SIGLEC7: variants seen among roughly 807,000 people sequenced by gnomAD.
SIGLEC7 encodes the protein sialic acid binding Ig like lectin 7, also known as sialic acid-binding Ig-like lectin 7.
SIGLEC7 carries 33 observed loss-of-function variants against 40.8 expected under a neutral mutation model. That is an observed-to-expected ratio of 0.81 (90% CI 0.61 to 1.08). The LOEUF (loss-of-function observed/expected upper bound fraction) is 1.08. SIGLEC7 is among the 50% of genes least tolerant of loss of function. The pLI is 0.00. For missense variants in SIGLEC7, 513 were observed against 576.1 expected (o/e 0.89, Z 1.12); for synonymous variants, 242 against 237.6 (o/e 1.02, Z -0.17).
chr19:51,142,312 GAGA>G lies in SIGLEC7; in HGVS notation c.-53_-51del. On this transcript the variant is annotated 5_prime_UTR_variant, in exon 1 of 7. Transcript: ENST00000317643. This position sits in a 1 kb window ranked among gnomAD's most constrained non-coding sequence, Gnocchi z 5.0. ...TAAGTCTTGAGCCCGCAGTTCCTGA[GAGA>G]AGAACCCTGAGGAACAGACGTTCCC... 6.3e-7 allele frequency: 1 copy of G among 1,577,728 alleles called. No individual in the cohort carries two copies. The highest frequency in any genetic ancestry group is 8.6e-7 in the Non-Finnish European group (1 of 1,161,830).
Position 51,146,049 on chromosome 19 carries a change from A to C in SIGLEC7, c.955A>C (p.Thr319Pro). ...QVHLGDEGEF[T>P]CRAQNSLGSQ... ...GCACCTGGGGGATGAAGGGGAATTC[A>C]CCTGTCGAGCTCAGAACTCTCTGGG... is the stretch of plus-strand genomic sequence containing the variant. Residue 319 changes from threonine to proline, a missense_variant, in exon 4 of 7, where the codon ACC becomes CCC. By Grantham distance (38) the Thr-to-Pro change is conservative. Transcript: ENST00000317643. The C allele has an allele frequency of 6.2e-7, 1 of 1,614,074 alleles. No individual in the cohort carries two copies.
chr19:51,144,299 G>A (rs2092090491), intron 1 of SIGLEC7, 107 bp from the exon 2 acceptor site: 14 of 1,510,030 alleles, frequency 9.3e-6, no homozygotes, highest in Non-Finnish European at 1.1e-5. Context: ...AGGGCTGAGG[G>A]TGAAGCGAGT....
In SIGLEC7 at chr19:51,145,904, GTC is replaced by G; in HGVS notation, c.814_815del (p.Leu272AlafsTer7). On this transcript the variant is annotated frameshift_variant, in exon 4 of 7. Coordinates refer to ENST00000317643, the MANE Select transcript of SIGLEC7 (RefSeq NM_014385.4). LOFTEE classifies it high-confidence loss of function. This position sits in a 1 kb window ranked among gnomAD's most constrained non-coding sequence, Gnocchi z 4.3. ...SSSLSVLEGQ[S>X]LRLVCAVDSN... ...CATCTCTTTCAGTCCTAGAGGGCCA[GTC>G]TCTGCGCTTGGTCTGTGCTGTTGAC... The G allele has an allele frequency of 6.2e-7, 1 of 1,614,228 alleles. No individual in the cohort carries two copies. Among genetic ancestry groups the G allele is most frequent in the Non-Finnish European group, 8.5e-7 (1 of 1,180,046 alleles).
At chr19:51,153,013 T>C (rs763319973) in intron 6 of SIGLEC7, 50 bp from the exon 7 acceptor site, 6 of 1,410,792 alleles carry the variant, frequency 4.3e-6, no homozygotes, top group Non-Finnish European at 5.6e-6. Context: ...CTCCCTGCCT[T>C]ATCCTATTTC....
At chr19:51,143,205 G>C (rs1568619459) in intron 1 of SIGLEC7, among the ~76,000 whole-genome samples, 1 of 152,078 alleles carries the variant, frequency 6.6e-6, no homozygotes, top group Non-Finnish European at 1.5e-5. Flanking sequence ...TAAACGTCCT[G>C]GGGGGTTAAG....
intron 6 of SIGLEC7, among the ~76,000 whole-genome samples, chr19:51,150,977 G>C (rs1428537453): frequency 1.3e-5 from 2 of 152,178 alleles, no homozygotes; most frequent in Non-Finnish European, 2.9e-5. Context: ...CGTTCAGGGT[G>C]GTATAGCTGT....
At chr19:51,149,128 G>A (rs895480043) in intron 6 of SIGLEC7, among the ~76,000 whole-genome samples, 4 of 152,208 alleles carry the variant, frequency 2.6e-5, no homozygotes, top group Admixed American at 6.5e-5. Context: ...CTCTGTTGAT[G>A]GTTTATTTTG....
At chr19:51,144,842 C>T in intron 2 of SIGLEC7, 70 bp from the exon 3 acceptor site, 1 of 1,584,900 alleles carries the variant, frequency 6.3e-7, no homozygotes, top group Non-Finnish European at 8.7e-7. Context: ...ATTTATGCAG[C>T]TCCTGGGGAG....
chr19:51,149,365 G>C (rs1329948591), intron 6 of SIGLEC7, among the ~76,000 whole-genome samples: 1 of 152,170 alleles, frequency 6.6e-6, no homozygotes, highest in African/African-American at 2.4e-5. Flanking sequence ...TCAATCTTCT[G>C]CATGTGGCTA....
intron 1 of SIGLEC7, chr19:51,143,968 G>T: frequency 4.2e-6 from 2 of 474,344 alleles, no homozygotes; most frequent in South Asian, 1.6e-5. Context: ...ATGGATGCTG[G>T]TTTAAGAAAG....
intron 6 of SIGLEC7, among the ~76,000 whole-genome samples, chr19:51,150,353 G>A (rs2092135856): frequency 6.6e-6 from 1 of 152,182 alleles, no homozygotes; most frequent in African/African-American, 2.4e-5. Context: ...TTTTTAACAC[G>A]AAGCGATGCT....
chr19:51,152,795 G>A (rs1008985805), intron 6 of SIGLEC7: 3 of 207,916 alleles, frequency 1.4e-5, no homozygotes, highest in East Asian at 9.6e-5. Flanking sequence ...GTTTGGGTAC[G>A]CTACTTTCTT....
At position 51,145,876 on chromosome 19, in the gene SIGLEC7, G is replaced by A. The variant is rs1432749533; in HGVS notation, c.782G>A (p.Ser261Asn). ...ACAGCATCCACAGCTCTGGGGAACAGCTCATCTCTTTCAGTCCTAGAGGGC... is the reference window on the plus strand; with the variant it reads ...ACAGCATCCACAGCTCTGGGGAACAACTCATCTCTTTCAGTCCTAGAGGGC... ...EGTASTALGN[S>N]SSLSVLEGQS... The change falls in exon 4 of 7, where the codon AGC becomes AAC. Residue 261 changes from serine (S) to asparagine (N), a missense_variant. Physicochemically the swap from Ser to Asn is conservative, Grantham distance 46. Coordinates refer to ENST00000317643, the MANE Select transcript of SIGLEC7 (RefSeq NM_014385.4). This position sits in a 1 kb window ranked among gnomAD's most constrained non-coding sequence, Gnocchi z 4.3. 2 of 1,614,038 alleles carry A rather than the reference G, an allele frequency of 1.2e-6. No homozygotes were observed. Among genetic ancestry groups the A allele is most frequent in the South Asian group, 1.1e-5 (1 of 91,090 alleles).
chr19:51,151,744 G>A (rs1315633371), intron 6 of SIGLEC7, among the ~76,000 whole-genome samples: 1 of 152,222 alleles, frequency 6.6e-6, no homozygotes, highest in African/African-American at 2.4e-5. Flanking sequence ...CTGCAAGGTG[G>A]ACATTTAGAC....
At chr19:51,148,624 T>C (rs1190920648) in intron 6 of SIGLEC7, among the ~76,000 whole-genome samples, 1 of 152,252 alleles carries the variant, frequency 6.6e-6, no homozygotes, top group African/African-American at 2.4e-5. Flanking sequence ...ATATTTGCTA[T>C]TGTGAATAGT....
intron 4 of SIGLEC7, 123 bp from the exon 5 acceptor site, chr19:51,146,631 C>T: frequency 1.3e-6 from 1 of 769,804 alleles, no homozygotes; most frequent in Non-Finnish European, 2.1e-6. Context: ...CCCTCCCATT[C>T]TTGCCCTTTG....
intron 6 of SIGLEC7, among the ~76,000 whole-genome samples, chr19:51,149,793 T>A (rs1249674230): frequency 6.6e-6 from 1 of 152,224 alleles, no homozygotes; most frequent in Admixed American, 6.5e-5. Context: ...GCATAGTATG[T>A]TTTTCCATTT....
At chr19:51,143,964 G>T in intron 1 of SIGLEC7, 1 of 471,828 alleles carries the variant, frequency 2.1e-6, no homozygotes. Flanking sequence ...GTCCATGGAT[G>T]CTGGTTTAAG....
chr19:51,153,097 C>T lies in SIGLEC7; in HGVS notation c.1256C>T (p.Pro419Leu). Residue 419 changes from proline (P) to leucine (L), a missense_variant, in exon 7 of 7, where the codon CCC becomes CTC. Pro to Leu is a moderately conservative substitution (Grantham distance 98). Coordinates refer to ENST00000317643, the MANE Select transcript of SIGLEC7 (RefSeq NM_014385.4). Reference sequence around the variant, plus strand: ...ACTGAGTCCTGGGCAGATGATAACCCCCGACACCATGGCCTGGCTGCCCAC... The same window carrying T: ...ACTGAGTCCTGGGCAGATGATAACCTCCGACACCATGGCCTGGCTGCCCAC... Reference protein sequence around the residue: ...NLTESWADDNPRHHGLAAHSS... With the variant: ...NLTESWADDNLRHHGLAAHSS... 1 of 1,604,576 alleles carries T rather than the reference C, an allele frequency of 6.2e-7. No homozygotes were observed. Among genetic ancestry groups the T allele is most frequent in the South Asian group, 1.1e-5 (1 of 88,368 alleles).
Sources: allele counts gnomAD v4.1 joint callset (sites outside exome capture counted in the v4.1 genomes callset), GRCh38; gene constraint gnomAD v4.1.1; non-coding constraint Gnocchi (gnomAD v3.1); transcripts MANE v1.5; gene names NCBI Gene and HGNC (gene_info 2026-07-23, HGNC 2026-07-21).